Variants in CTNNA3 observed in about 807,000 individuals in gnomAD.
CTNNA3 encodes catenin alpha-3.
Under a neutral mutation model 95.7 loss-of-function variants are expected in CTNNA3, and 76 were observed. The ratio of observed to expected loss-of-function variants is 0.79; its 90% confidence interval spans 0.66 to 0.96. The LOEUF is 0.96. CTNNA3 is among the 40% of genes least tolerant of loss of function. CTNNA3 has a pLI of 0.00. For synonymous variants in CTNNA3, 431 were observed against 374.4 expected, an observed-to-expected ratio of 1.15 and a Z score of -1.74; for missense variants, 1,191 against 1,089.8, an observed-to-expected ratio of 1.09 and a Z score of -1.31.
intron 1 of CTNNA3, among the ~76,000 whole-genome samples, chr10:67,727,922 A>G (rs1375241876): frequency 1.1e-4 from 15 of 130,922 alleles, no homozygotes; most frequent in Middle Eastern, 4.4e-3. Flanking sequence ...TATATTATAT[A>G]TTACATATTA....
intron 7 of CTNNA3, among the ~76,000 whole-genome samples, chr10:66,978,552 A>AAATAAAAAAAATATATATATATATAT: frequency 7.9e-5 from 3 of 37,884 alleles, no homozygotes; most frequent in Non-Finnish European, 9.7e-5. Flanking sequence ...AAAAAAAAAA[A>AAATAAAAAAAATATATATATATATAT]ATATATATAT....
chr10:66,001,054 G>A (rs2078760302), intron 15 of CTNNA3, among the ~76,000 whole-genome samples: 1 of 151,990 alleles, frequency 6.6e-6, no homozygotes, highest in African/African-American at 2.4e-5. Flanking sequence ...TAGTTGGGAG[G>A]CCCACCAACA....
chr10:67,443,822 T>C (rs375518542), intron 5 of CTNNA3, among the ~76,000 whole-genome samples: 1 of 152,152 alleles, frequency 6.6e-6, no homozygotes, highest in Admixed American at 6.5e-5. Context: ...TTGTCAATTT[T>C]GGCTTTTGTT....
rs192609065 is a variant in CTNNA3, at chr10:66,853,206, T to G, written c.1048-77682A>C. ...TGGCCATGCTCTTTCATTTATCTAT[T>G]GTCTATGGCTGGTTTCATGCCATGC... On this transcript the variant is annotated intron_variant, in intron 7 of 17. Coordinates refer to ENST00000433211, the MANE Select transcript of CTNNA3 (RefSeq NM_013266.4). Among the ~76,000 whole-genome samples the G allele has an allele frequency of 1.8e-4, 28 of 152,284 alleles. No individual in the cohort carries two copies. The East Asian group carries it at 5.4e-3, about 29-fold the overall frequency.
intron 2 of CTNNA3, among the ~76,000 whole-genome samples, chr10:67,621,243 C>G (rs1843835399): frequency 6.6e-6 from 1 of 152,038 alleles, no homozygotes; most frequent in Non-Finnish European, 1.5e-5. Flanking sequence ...GGTTGAAAAC[C>G]ACTGGGCTAA....
At chr10:65,949,929 G>C (rs940664967) in intron 17 of CTNNA3, among the ~76,000 whole-genome samples, 1 of 152,050 alleles carries the variant, frequency 6.6e-6, no homozygotes, top group Non-Finnish European at 1.5e-5. Flanking sequence ...GGTGGAGACT[G>C]GAAATGTTGT....
chr10:66,665,510 T>G (rs1846420702), intron 9 of CTNNA3, among the ~76,000 whole-genome samples: 1 of 152,206 alleles, frequency 6.6e-6, no homozygotes, highest in Non-Finnish European at 1.5e-5. Context: ...CAGACATTCT[T>G]TGTATAGGCT....
chr10:67,637,658 C>T (rs1018240693), intron 2 of CTNNA3, among the ~76,000 whole-genome samples: 28 of 152,308 alleles, frequency 1.8e-4, no homozygotes, highest in Non-Finnish European at 3.2e-4. Flanking sequence ...AGACTAATAG[C>T]TGATCTCTCG....
intron 13 of CTNNA3, among the ~76,000 whole-genome samples, chr10:66,256,068 T>C (rs1435952314): frequency 6.6e-6 from 1 of 152,114 alleles, no homozygotes; most frequent in Non-Finnish European, 1.5e-5. Context: ...AGGCCACCAA[T>C]GTTGGCCCAG....
At chr10:67,398,609 A>ACC (rs1844803284) in intron 5 of CTNNA3, among the ~76,000 whole-genome samples, 1 of 152,156 alleles carries the variant, frequency 6.6e-6, no homozygotes. Flanking sequence ...AAATGTGATG[A>ACC]CACAAGATTT....
chr10:66,182,766 A>G (rs917582552), intron 13 of CTNNA3, among the ~76,000 whole-genome samples: 14 of 152,182 alleles, frequency 9.2e-5, no homozygotes, highest in African/African-American at 3.4e-4. Context: ...AGATCCTAAA[A>G]TGAAAGCAAA....
intron 8 of CTNNA3, among the ~76,000 whole-genome samples, chr10:66,768,762 A>G (rs915466517): frequency 7.7e-6 from 1 of 129,058 alleles, no homozygotes; most frequent in African/African-American, 3.1e-5. Context: ...ATTACAATAA[A>G]GAAAAACTTA....
intron 17 of CTNNA3, among the ~76,000 whole-genome samples, chr10:65,926,359 G>C (rs2077168830): frequency 6.6e-6 from 1 of 151,966 alleles, no homozygotes; most frequent in East Asian, 1.9e-4. Context: ...GTATGTACCT[G>C]AGAGTGCCAC....
chr10:66,913,260 A>AAAAAAG (rs1564762071), intron 7 of CTNNA3, among the ~76,000 whole-genome samples: 19 of 146,246 alleles, frequency 1.3e-4, no homozygotes, highest in African/African-American at 4.2e-4. Context: ...AAAAAAAAAA[A>AAAAAAG]AAAAAGAAAA....
chr10:66,425,420 C>T (rs1321984084), intron 11 of CTNNA3, among the ~76,000 whole-genome samples: 1 of 125,470 alleles, frequency 8.0e-6, no homozygotes, highest in Non-Finnish European at 1.7e-5. Context: ...TTATTTCTTG[C>T]TTTTTTGATT....
At chr10:65,967,973 A>T (rs1334028088) in intron 16 of CTNNA3, among the ~76,000 whole-genome samples, 1 of 152,208 alleles carries the variant, frequency 6.6e-6, no homozygotes, top group African/African-American at 2.4e-5. Flanking sequence ...TATCAATATA[A>T]TGTAGCATTA....
intron 5 of CTNNA3, among the ~76,000 whole-genome samples, chr10:67,489,064 A>T (rs180676482): frequency 8.9e-4 from 135 of 152,250 alleles, no homozygotes; most frequent in Middle Eastern, 6.8e-3. Flanking sequence ...ATAGTACTTG[A>T]TTATTTTTCC....
chr10:66,099,169 C>A (rs998339014), intron 14 of CTNNA3, among the ~76,000 whole-genome samples: 1 of 152,156 alleles, frequency 6.6e-6, no homozygotes, highest in African/African-American at 2.4e-5. Flanking sequence ...TTAGAAACAG[C>A]AACAACAAAA....
chr10:67,687,045 C>T (rs570718681), intron 1 of CTNNA3, among the ~76,000 whole-genome samples: 11 of 152,320 alleles, frequency 7.2e-5, no homozygotes, highest in African/African-American at 2.6e-4. Flanking sequence ...CTCCCAGTTA[C>T]AACTGAGGAG....
Sources: gnomAD v4.1 joint callset for allele counts (sites outside exome capture counted in the v4.1 genomes callset) on GRCh38, gnomAD v4.1.1 for gene constraint, MANE v1.5 for transcripts, NCBI Gene and HGNC (gene_info 2026-07-23, HGNC 2026-07-21) for gene names.